The following COL11A1 variants were observed in gnomAD, a reference collection of about 807,000 sequenced individuals.
The protein encoded by COL11A1 is collagen type XI alpha 1 chain.
Under a neutral mutation model 265.2 loss-of-function variants are expected in COL11A1, and 74 were observed. That is an observed-to-expected ratio of 0.28 (90% CI 0.23 to 0.34). The LOEUF is 0.34. COL11A1 is among the 10% of genes least tolerant of loss of function. COL11A1 has a pLI of 1.00. For missense variants in COL11A1, 2,165 were observed against 2,263.6 expected, an observed-to-expected ratio of 0.96 and a Z score of 0.88; for synonymous variants, 816 against 727.6, an observed-to-expected ratio of 1.12 and a Z score of -1.96.
chr1:102,896,399 T>C (rs1557786505), intron 57 of COL11A1, among the ~76,000 whole-genome samples: 1 of 152,234 alleles, frequency 6.6e-6, no homozygotes, highest in Non-Finnish European at 1.5e-5. Flanking sequence ...AAAGGCTCAT[T>C]AAATTGCCAT....
At chr1:102,888,465 A>C in intron 62 of COL11A1, 112 bp downstream of exon 62, 1 of 962,750 alleles carries the variant, frequency 1.0e-6, no homozygotes, top group Non-Finnish European at 1.7e-6. Flanking sequence ...TTCCTATAAA[A>C]TCAGCACTTT....
chr1:102,965,482 C>A lies in COL11A1; in HGVS notation c.2916+5G>T. The stretch of plus-strand genomic sequence containing the variant: ...TTGCTTGGGAAATAAAGCAAAGGAA[C>A]ATACCTGTGGTCCAACCACTCCCCC... On this transcript the variant is annotated splice_donor_5th_base_variant and intron_variant, in intron 38 of 66. Coordinates refer to ENST00000370096, the MANE Select transcript of COL11A1 (RefSeq NM_001854.4). 6.2e-7 allele frequency: 1 copy of A among 1,613,178 alleles called. No homozygotes were observed. Among genetic ancestry groups the A allele is most frequent in the Middle Eastern group, 1.7e-4 (1 of 6,056 alleles).
chr1:102,993,885 A>T (rs1291572252), intron 28 of COL11A1, among the ~76,000 whole-genome samples: 2 of 152,042 alleles, frequency 1.3e-5, no homozygotes, highest in South Asian at 2.1e-4. Context: ...AGTATCTTTG[A>T]TCTATGGTTT....
intron 3 of COL11A1, among the ~76,000 whole-genome samples, chr1:103,077,048 A>G (rs1044251990): frequency 3.9e-5 from 6 of 152,228 alleles, no homozygotes; most frequent in South Asian, 2.1e-4. Flanking sequence ...AGCACACAGT[A>G]AGCATTTAAT....
intron 20 of COL11A1, 144 bp from the exon 21 acceptor site, chr1:103,003,412 T>C (rs902198537): frequency 1.6e-5 from 14 of 870,510 alleles, no homozygotes; most frequent in Non-Finnish European, 2.6e-5. Context: ...GTGATGTCCA[T>C]AACATAAATA....
intron 1 of COL11A1, among the ~76,000 whole-genome samples, chr1:103,085,205 T>C (rs1159597217): frequency 6.6e-6 from 1 of 152,178 alleles, no homozygotes; most frequent in Non-Finnish European, 1.5e-5. Context: ...TATGGTAGAG[T>C]TTACAGATTT....
chr1:103,041,138 C>A (rs1046294576), intron 4 of COL11A1, among the ~76,000 whole-genome samples: 2 of 151,800 alleles, frequency 1.3e-5, no homozygotes, highest in African/African-American at 2.4e-5. Flanking sequence ...ACTTTCACTG[C>A]CTGTTTCACA....
intron 4 of COL11A1, among the ~76,000 whole-genome samples, chr1:103,039,338 G>T (rs1374111204): frequency 6.6e-6 from 1 of 152,128 alleles, no homozygotes; most frequent in East Asian, 1.9e-4. Context: ...CCCAGACTGA[G>T]TGCTAAGGGT....
chr1:102,902,127 T>A (rs1359589146), intron 54 of COL11A1, among the ~76,000 whole-genome samples: 1 of 152,168 alleles, frequency 6.6e-6, no homozygotes, highest in Non-Finnish European at 1.5e-5. Flanking sequence ...TACCTTCTGA[T>A]CACTCACGTG....
intron 18 of COL11A1, 77 bp downstream of exon 18, chr1:103,005,761 T>G (rs1307073192): frequency 6.4e-7 from 1 of 1,552,762 alleles, no homozygotes; most frequent in Non-Finnish European, 8.9e-7. Context: ...TTCTTCTTTT[T>G]CTGATTTTGC....
chr1:103,108,002 G>A (rs1674845794), intron 1 of COL11A1, 71 bp downstream of exon 1: 1 of 1,038,594 alleles, frequency 9.6e-7, no homozygotes, highest in South Asian at 1.3e-5. Flanking sequence ...GAAGGGTAAA[G>A]TGGGGGGAGG....
At chr1:102,994,974 A>G (rs1192719186) in intron 28 of COL11A1, among the ~76,000 whole-genome samples, 1 of 152,054 alleles carries the variant, frequency 6.6e-6, no homozygotes, top group Non-Finnish European at 1.5e-5. Context: ...AGTACCAGGC[A>G]CTTATCAAAC....
At chr1:103,106,973 A>G (rs543615677) in intron 1 of COL11A1, among the ~76,000 whole-genome samples, 31 of 152,132 alleles carry the variant, frequency 2.0e-4, no homozygotes, top group Non-Finnish European at 3.4e-4. Context: ...CCTATCCCCC[A>G]GCTTCTTTCT....
intron 41 of COL11A1, 76 bp downstream of exon 41, chr1:102,961,788 TCA>T (rs1660931712): frequency 4.5e-6 from 6 of 1,321,814 alleles, no homozygotes. Flanking sequence ...CACTGTGGAA[TCA>T]CAGCATGAGA....
At chr1:103,089,699 G>A (rs1293781816) in intron 1 of COL11A1, among the ~76,000 whole-genome samples, 1 of 152,188 alleles carries the variant, frequency 6.6e-6, no homozygotes, top group Non-Finnish European at 1.5e-5. Flanking sequence ...GTAGCCACAA[G>A]CTGTCTCATA....
intron 66 of COL11A1, among the ~76,000 whole-genome samples, chr1:102,879,370 G>T (rs1649944795): frequency 6.6e-6 from 1 of 152,048 alleles, no homozygotes; most frequent in Non-Finnish European, 1.5e-5. Context: ...TGAAATAAGT[G>T]TTTTTATTTT....
At chr1:102,987,041 C>G (rs888043568) in intron 30 of COL11A1, among the ~76,000 whole-genome samples, 1 of 152,026 alleles carries the variant, frequency 6.6e-6, no homozygotes, top group African/African-American at 2.4e-5. Flanking sequence ...TTCATTGATT[C>G]TTTCATCCTT....
At chr1:103,018,772 A>G (rs1571051879) in intron 10 of COL11A1, 46 bp downstream of exon 10, 1 of 1,409,638 alleles carries the variant, frequency 7.1e-7, no homozygotes, top group Middle Eastern at 1.8e-4. Context: ...AATCTTATAT[A>G]TGATTACTTT....
rs903790489 is a variant in COL11A1 at position 102,890,506 on chromosome 1, TA to T, written c.4303-3del. 2.5e-6 allele frequency: 4 copies of T among 1,592,670 alleles called. No homozygotes were observed. The highest frequency in any genetic ancestry group is 1.1e-5 in the South Asian group (1 of 87,198). ...GAGACCAGGTAAGCCAGGAGGTCCCTAAATAATAACAAAAAAAAAACCCCAA... is the reference window on the plus strand; with the variant it reads ...GAGACCAGGTAAGCCAGGAGGTCCCTAATAATAACAAAAAAAAAACCCCAA... On this transcript the variant is annotated splice_polypyrimidine_tract_variant and splice_region_variant and intron_variant, in intron 57 of 66. Transcript: ENST00000370096.
Sources: allele counts gnomAD v4.1 joint callset (sites outside exome capture counted in the v4.1 genomes callset), GRCh38; gene constraint gnomAD v4.1.1; transcripts MANE v1.5; gene names NCBI Gene and HGNC (gene_info 2026-07-23, HGNC 2026-07-21).